Variants in KCNAB1 observed in about 807,000 individuals in gnomAD.
KCNAB1 encodes the protein potassium voltage-gated channel subfamily A regulatory beta subunit 1.
KCNAB1 carries 35 observed loss-of-function variants against 64.6 expected under a neutral mutation model. That is an observed-to-expected ratio of 0.54 (90% CI 0.41 to 0.72). KCNAB1 has a LOEUF of 0.72. KCNAB1 is among the 30% of genes least tolerant of loss of function. The pLI, the probability that KCNAB1 is intolerant of heterozygous loss-of-function variation, is 0.00. For missense variants in KCNAB1, 401 were observed against 512.9 expected (o/e 0.78, Z 2.11); for synonymous variants, 177 against 183.8 (o/e 0.96, Z 0.30).
intron 1 of KCNAB1, among the ~76,000 whole-genome samples, chr3:156,278,104 C>G (rs1719453115): frequency 6.6e-6 from 1 of 151,772 alleles, no homozygotes; most frequent in Admixed American, 6.6e-5. Flanking sequence ...ATTCTTCCTT[C>G]AAAAATGAAT....
At chr3:156,467,230 C>T (rs1322881329) in intron 7 of KCNAB1, among the ~76,000 whole-genome samples, 1 of 151,976 alleles carries the variant, frequency 6.6e-6, no homozygotes, top group African/African-American at 2.4e-5. Context: ...ATGGAAACTC[C>T]ATGTACAGTT....
At chr3:156,265,230 A>G (rs1718629788) in intron 1 of KCNAB1, among the ~76,000 whole-genome samples, 1 of 152,222 alleles carries the variant, frequency 6.6e-6, no homozygotes, top group Non-Finnish European at 1.5e-5. Context: ...CTTGCTTAGG[A>G]AAATGGTGAA....
intron 1 of KCNAB1, among the ~76,000 whole-genome samples, chr3:156,420,301 A>C (rs911326085): frequency 2.0e-5 from 3 of 152,230 alleles, no homozygotes; most frequent in Non-Finnish European, 4.4e-5. Flanking sequence ...AAGAAAAGGG[A>C]GCAATTTCTA....
chr3:156,499,936 C>T (rs1716276527), intron 8 of KCNAB1, among the ~76,000 whole-genome samples: 1 of 152,156 alleles, frequency 6.6e-6, no homozygotes, highest in African/African-American at 2.4e-5. Context: ...CTTGTCTACC[C>T]AGCAGCCACC....
At chr3:156,426,307 A>G (rs889687695) in intron 2 of KCNAB1, among the ~76,000 whole-genome samples, 12 of 152,072 alleles carry the variant, frequency 7.9e-5, no homozygotes. Context: ...TTATTATTTT[A>G]AAAAAATAGA....
Position 156,154,851 on chromosome 3 carries a change from G to A in KCNAB1, c.275+33965G>A, listed in dbSNP as rs182697301. Among the ~76,000 whole-genome samples, 1,061 of 152,244 alleles carry A rather than the reference G, an allele frequency of 7.0e-3. 38 individuals carry two copies. The highest frequency in any genetic ancestry group is 0.047 in the Admixed American group (713 of 15,298). ...AGGGTTGGTTACCTGCAGGAGCCTG[G>A]GTGAGACTCATTACAGTGGACAGAA... is the stretch of plus-strand genomic sequence containing the variant. On this transcript the variant is annotated intron_variant, in intron 1 of 13. Coordinates refer to ENST00000490337, the MANE Select transcript of KCNAB1 (RefSeq NM_172160.3).
At chr3:156,174,293 T>G (rs543957682) in intron 1 of KCNAB1, among the ~76,000 whole-genome samples, 3 of 152,214 alleles carry the variant, frequency 2.0e-5, no homozygotes, top group African/African-American at 7.2e-5. Context: ...CAATAATTAA[T>G]TTTTAGTGGT....
chr3:156,312,727 A>AAAAAAAAAAAAAC (rs1560189796), intron 1 of KCNAB1, among the ~76,000 whole-genome samples: 3 of 150,932 alleles, frequency 2.0e-5, no homozygotes. Flanking sequence ...AAAAAAAAAA[A>AAAAAAAAAAAAAC]AAAACTCATA....
chr3:156,519,379 T>C (rs1394368862), intron 11 of KCNAB1, among the ~76,000 whole-genome samples: 1 of 152,230 alleles, frequency 6.6e-6, no homozygotes, highest in African/African-American at 2.4e-5. Context: ...TACTTCATTT[T>C]CCATGCAAAT....
At chr3:156,427,316 A>G (rs1189848385) in intron 2 of KCNAB1, among the ~76,000 whole-genome samples, 2 of 150,036 alleles carry the variant, frequency 1.3e-5, no homozygotes, top group Non-Finnish European at 3.0e-5. Flanking sequence ...CTGGAAATAC[A>G]GACCCAGGAA....
chr3:156,132,756 A>G (rs1714078759), intron 1 of KCNAB1, among the ~76,000 whole-genome samples: 1 of 152,228 alleles, frequency 6.6e-6, no homozygotes, highest in Admixed American at 6.5e-5. Context: ...ATCATTACAC[A>G]TGTTTTTCTA....
At chr3:156,303,719 C>G (rs1245808480) in intron 1 of KCNAB1, among the ~76,000 whole-genome samples, 1 of 152,138 alleles carries the variant, frequency 6.6e-6, no homozygotes, top group Non-Finnish European at 1.5e-5. Flanking sequence ...TTAGAGTCAA[C>G]AGTGCACATC....
chr3:156,343,379 C>T (rs1724266116), intron 1 of KCNAB1, among the ~76,000 whole-genome samples: 1 of 152,208 alleles, frequency 6.6e-6, no homozygotes, highest in South Asian at 2.1e-4. Flanking sequence ...CTTCTGGCCA[C>T]AGATCCCCTA....
chr3:156,136,816 A>C (rs767681302), intron 1 of KCNAB1, among the ~76,000 whole-genome samples: 27 of 152,340 alleles, frequency 1.8e-4, no homozygotes, highest in Admixed American at 6.5e-4. Context: ...CTTTTGAATA[A>C]AGAGCAAGAG....
intron 8 of KCNAB1, among the ~76,000 whole-genome samples, chr3:156,493,487 T>C (rs935202724): frequency 6.6e-6 from 1 of 152,134 alleles, no homozygotes; most frequent in Non-Finnish European, 1.5e-5. Context: ...AGGAAAATAG[T>C]ACCAAAGATT....
At chr3:156,518,461 G>GAAAGAAAAGAAAAGAAAAGA (rs144279774) in intron 11 of KCNAB1, among the ~76,000 whole-genome samples, 97 of 149,906 alleles carry the variant, frequency 6.5e-4, no homozygotes, top group African/African-American at 1.8e-3. Flanking sequence ...AAGAGAAAGA[G>GAAAGAAAAGAAAAGAAAAGA]AAAGAAAAGA....
rs186275435 is a variant in KCNAB1 at position 156,520,051 on chromosome 3, C to G, written c.960+3687C>G. On this transcript the variant is annotated intron_variant, in intron 11 of 13. Coordinates refer to ENST00000490337, the MANE Select transcript of KCNAB1 (RefSeq NM_172160.3). ...CAACAAAAAAACACTTCCCATGTTA[C>G]TAGGTAATGATTTGTGAATACATCT... Among the ~76,000 whole-genome samples the G allele has an allele frequency of 5.0e-4, 76 of 152,272 alleles. No homozygotes were observed. In the South Asian group the frequency reaches 6.8e-3, roughly 14 times the overall value.
intron 1 of KCNAB1, among the ~76,000 whole-genome samples, chr3:156,346,856 TCA>T (rs1724512989): frequency 6.6e-6 from 1 of 152,228 alleles, no homozygotes; most frequent in Admixed American, 6.5e-5. Context: ...CAGATGTTTG[TCA>T]CACATCTTGC....
chr3:156,515,787 A>G (rs1476123502), intron 10 of KCNAB1, among the ~76,000 whole-genome samples: 1 of 151,924 alleles, frequency 6.6e-6, no homozygotes, highest in African/African-American at 2.4e-5. Flanking sequence ...AGGCTTATTT[A>G]TCAAAAGTTT....
Sources: gnomAD v4.1 joint callset for allele counts (sites outside exome capture counted in the v4.1 genomes callset) on GRCh38, gnomAD v4.1.1 for gene constraint, MANE v1.5 for transcripts, NCBI Gene and HGNC (gene_info 2026-07-23, HGNC 2026-07-21) for gene names.